Variants in ARHGAP25 observed in about 807,000 individuals in gnomAD.
ARHGAP25 encodes the protein Rho GTPase activating protein 25.
In ARHGAP25, 34 loss-of-function variants were observed where a neutral mutation model predicts 71.0. That is an observed-to-expected ratio of 0.48 (90% CI 0.36 to 0.64). ARHGAP25 has a LOEUF of 0.64. Ranked by LOEUF, ARHGAP25 falls within the 30% of genes least tolerant of loss-of-function variation. The pLI is 0.00. For missense variants in ARHGAP25, 706 were observed against 805.1 expected, an observed-to-expected ratio of 0.88 and a Z score of 1.49; for synonymous variants, 282 against 296.5, an observed-to-expected ratio of 0.95 and a Z score of 0.50.
chr2:68,776,054 G>A (rs1195207905), intron 2 of ARHGAP25, among the ~76,000 whole-genome samples: 1 of 152,240 alleles, frequency 6.6e-6, no homozygotes, highest in Non-Finnish European at 1.5e-5. Flanking sequence ...CTGGGGCCGA[G>A]ACTAAAGAGG....
chr2:68,797,923 C>G (rs534713923), intron 4 of ARHGAP25, among the ~76,000 whole-genome samples: 1 of 152,354 alleles, frequency 6.6e-6, no homozygotes, highest in African/African-American at 2.4e-5. Context: ...CCCAGCTGGC[C>G]TCAGCCACAC....
intron 5 of ARHGAP25, among the ~76,000 whole-genome samples, chr2:68,807,822 G>T (rs2103629348): frequency 6.6e-6 from 1 of 152,306 alleles, no homozygotes; most frequent in Non-Finnish European, 1.5e-5. Context: ...GACAGATGAG[G>T]AACATGGAAG....
chr2:68,799,901 G>C (rs1220262714), intron 4 of ARHGAP25, among the ~76,000 whole-genome samples: 2 of 152,306 alleles, frequency 1.3e-5, no homozygotes, highest in South Asian at 4.1e-4. Context: ...CCTGAGGCTG[G>C]CTCATCGGAG....
intron 1 of ARHGAP25, among the ~76,000 whole-genome samples, chr2:68,740,024 C>T (rs964573226): frequency 6.6e-6 from 1 of 152,134 alleles, no homozygotes; most frequent in Non-Finnish European, 1.5e-5. Flanking sequence ...TTACTGTGTT[C>T]TCTTTGTCTT....
Position 68,746,801 on chromosome 2 carries a change from G to A in ARHGAP25, c.61+11541G>A, listed in dbSNP as rs550860197. Among the ~76,000 whole-genome samples, 10 of 152,046 alleles carry A rather than the reference G, an allele frequency of 6.6e-5. No homozygotes were observed. In the East Asian group the frequency reaches 9.7e-4, roughly 15 times the overall value. The stretch of plus-strand genomic sequence containing the variant: ...GCAGGAGGATCACCTGAGGTTGGGC[G>A]TTCGAGACCAGACTGACCAACATGG... On this transcript the variant is annotated intron_variant, in intron 1 of 10. Transcript: ENST00000409202.
Position 68,742,481 on chromosome 2 carries a change from G to C in ARHGAP25, c.61+7221G>C, listed in dbSNP as rs369763182. 8.1e-4 allele frequency among the ~76,000 whole-genome samples: 123 copies of C among 152,274 alleles called. 1 individual carries two copies. In the East Asian group the frequency reaches 0.014, roughly 18 times the overall value. On this transcript the variant is annotated intron_variant, in intron 1 of 10. Transcript: ENST00000409202. ...GGTCACTGTGTGACGTTGGACCTCA[G>C]GTTTTCCAACTGTAAAATGAGTGCA...
intron 4 of ARHGAP25, among the ~76,000 whole-genome samples, chr2:68,800,252 G>T (rs1038517953): frequency 6.6e-6 from 1 of 151,988 alleles, no homozygotes; most frequent in East Asian, 1.9e-4. Flanking sequence ...GTGGGGAGGG[G>T]CTCTTGTCCT....
At chr2:68,794,827 G>T (rs542052541) in intron 4 of ARHGAP25, among the ~76,000 whole-genome samples, 2 of 152,112 alleles carry the variant, frequency 1.3e-5, no homozygotes, top group African/African-American at 4.8e-5. Context: ...TCAGTTTTTT[G>T]GAACAGTTTC....
At chr2:68,776,818 C>A (rs1031533424) in intron 2 of ARHGAP25, among the ~76,000 whole-genome samples, 11 of 152,110 alleles carry the variant, frequency 7.2e-5, no homozygotes, top group African/African-American at 2.7e-4. Context: ...GGAGCCAGAA[C>A]AAAATCCCGA....
chr2:68,717,666 A>G (rs1674646367), intron 2 of ARHGAP25, among the ~76,000 whole-genome samples: 1 of 152,248 alleles, frequency 6.6e-6, no homozygotes, highest in African/African-American at 2.4e-5. Context: ...CTTAAAAAGC[A>G]GATGCATATT....
chr2:68,763,653 G>C, intron 1 of ARHGAP25, among the ~76,000 whole-genome samples: 1 of 152,108 alleles, frequency 6.6e-6, no homozygotes, highest in South Asian at 2.1e-4. Flanking sequence ...AAATATTGAA[G>C]TATTCTTGCA....
intron 5 of ARHGAP25, among the ~76,000 whole-genome samples, chr2:68,808,967 G>T (rs569904330): frequency 1.6e-4 from 25 of 152,286 alleles, no homozygotes; most frequent in African/African-American, 6.0e-4. Flanking sequence ...CTAGAAGTGA[G>T]GGGTAGGGTT....
intron 8 of ARHGAP25, 72 bp from the exon 9 acceptor site, chr2:68,819,051 G>A (rs1187467011): frequency 8.9e-6 from 12 of 1,341,348 alleles, no homozygotes; most frequent in East Asian, 2.3e-5. Flanking sequence ...AGACATCCAC[G>A]GGTGGGGATC....
At chr2:68,770,715 A>G (rs1677434308) in intron 1 of ARHGAP25, among the ~76,000 whole-genome samples, 1 of 152,206 alleles carries the variant, frequency 6.6e-6, no homozygotes, top group Non-Finnish European at 1.5e-5. Flanking sequence ...AAAATTCAGC[A>G]CCAACAGTCC....
intron 5 of ARHGAP25, among the ~76,000 whole-genome samples, chr2:68,809,523 T>C (rs965015910): frequency 4.7e-5 from 7 of 150,450 alleles, no homozygotes; most frequent in Admixed American, 4.6e-4. Context: ...ACCTGAATTG[T>C]GTGTGGGAGT....
chr2:68,797,371 C>G (rs1473066079), intron 4 of ARHGAP25, among the ~76,000 whole-genome samples: 1 of 152,162 alleles, frequency 6.6e-6, no homozygotes, highest in Non-Finnish European at 1.5e-5. Context: ...ACACCCCAGT[C>G]CCAGCAAAGT....
chr2:68,819,832 C>T (rs908490102), intron 9 of ARHGAP25: 2 of 240,188 alleles, frequency 8.3e-6, no homozygotes, highest in African/African-American at 2.2e-5. Context: ...TTGAAACTCA[C>T]GTTCCCAATG....
At chr2:68,825,731 C>T (rs1434234286) in intron 10 of ARHGAP25, among the ~76,000 whole-genome samples, 1 of 151,930 alleles carries the variant, frequency 6.6e-6, no homozygotes, top group Admixed American at 6.6e-5. Flanking sequence ...GCCGAGATCG[C>T]GTCACTGCAC....
intron 4 of ARHGAP25, among the ~76,000 whole-genome samples, chr2:68,789,578 A>G (rs1317129412): frequency 1.3e-5 from 2 of 152,156 alleles, no homozygotes; most frequent in African/African-American, 4.8e-5. Context: ...ATTAGGCCAC[A>G]TGCTGGAAAA....
Sources: gnomAD v4.1 joint callset for allele counts (sites outside exome capture counted in the v4.1 genomes callset) on GRCh38, gnomAD v4.1.1 for gene constraint, MANE v1.5 for transcripts, NCBI Gene and HGNC (gene_info 2026-07-23, HGNC 2026-07-21) for gene names.